APP: variants seen among roughly 807,000 people sequenced by gnomAD.
APP encodes amyloid beta precursor protein.
Under a neutral mutation model 101.4 loss-of-function variants are expected in APP, and 31 were observed. That is an observed-to-expected ratio of 0.31 (90% CI 0.23 to 0.41). The LOEUF (loss-of-function observed/expected upper bound fraction) is 0.41, where lower values mean the gene tolerates loss of function less well. Among genes scored for constraint, APP ranks in the 10% least tolerant of loss-of-function variants. APP has a pLI of 1.00. For missense variants in APP, 839 were observed against 1,003.7 expected, an observed-to-expected ratio of 0.84 and a Z score of 2.22; for synonymous variants, 366 against 364.4, an observed-to-expected ratio of 1.00 and a Z score of -0.05.
chr21:26,099,138 T>C (rs1383029366), intron 2 of APP, among the ~76,000 whole-genome samples: 1 of 152,012 alleles, frequency 6.6e-6, no homozygotes, highest in East Asian at 1.9e-4. Context: ...AACAGCCAGG[T>C]TTCTAAATTT....
intron 6 of APP, among the ~76,000 whole-genome samples, chr21:26,014,279 C>T (rs2043955399): frequency 6.6e-6 from 1 of 152,098 alleles, no homozygotes; most frequent in Non-Finnish European, 1.5e-5. Flanking sequence ...AAGTAAAAAT[C>T]CCGTTAGTGA....
At chr21:26,148,995 G>A (rs2063208935) in intron 1 of APP, among the ~76,000 whole-genome samples, 1 of 152,190 alleles carries the variant, frequency 6.6e-6, no homozygotes, top group Non-Finnish European at 1.5e-5. Context: ...ACTTGGGATT[G>A]AGAAAAAGGG....
chr21:25,886,748 C>T (rs977924454), intron 17 of APP, among the ~76,000 whole-genome samples: 3 of 151,268 alleles, frequency 2.0e-5, no homozygotes, highest in Admixed American at 6.6e-5. Context: ...TCCTGCTGCT[C>T]ACTGTAAGCC....
At chr21:26,134,000 G>A (rs466609) in intron 1 of APP, among the ~76,000 whole-genome samples, 1 of 152,158 alleles carries the variant, frequency 6.6e-6, no homozygotes, top group Non-Finnish European at 1.5e-5. Flanking sequence ...CATTGACTTC[G>A]CTTATGTTGA....
chr21:25,945,380 C>CTTTTTTTTTTTTT lies in APP; in HGVS notation c.1687+9197_1687+9209dup, dbSNP rs553853354. ...ATCTACAGATCCAATGCAATCCGCA[C>CTTTTTTTTTTTTT]TTTTTTTTTTTTTTTTTTTTTTGCA... On this transcript the variant is annotated intron_variant, in intron 13 of 17. Coordinates refer to ENST00000346798, the MANE Select transcript of APP (RefSeq NM_000484.4). 5.6e-4 allele frequency: 42 copies of CTTTTTTTTTTTTT among 75,622 alleles called. 7 individuals carry two copies. The highest frequency in any genetic ancestry group is 1.8e-3 in the African/African-American group (37 of 20,466). 4.7% of individuals were successfully genotyped at this position (75,622 alleles called of 1,614,324 possible).
chr21:25,939,574 A>G lies in APP; in HGVS notation c.1687+15016T>C, dbSNP rs80155566. ...GAAAAAGCAGACACTTAGCTTATCA[A>G]TCAAAATGCTGGCAGGGAAAGACTA... On this transcript the variant is annotated intron_variant, in intron 13 of 17. Coordinates refer to ENST00000346798, the MANE Select transcript of APP (RefSeq NM_000484.4). Among the ~76,000 whole-genome samples, 626 of 152,342 alleles carry G rather than the reference A, an allele frequency of 4.1e-3. 27 individuals are homozygous for G. In the East Asian group the frequency reaches 0.1, roughly 25 times the overall value.
chr21:26,156,382 TAC>T (rs2063375796), intron 1 of APP, among the ~76,000 whole-genome samples: 1 of 152,240 alleles, frequency 6.6e-6, no homozygotes, highest in East Asian at 1.9e-4. Context: ...TACTTAAAAA[TAC>T]AACAGATATT....
chr21:25,923,486 C>A (rs1052549383), intron 13 of APP, among the ~76,000 whole-genome samples: 1 of 103,130 alleles, frequency 9.7e-6, no homozygotes, highest in Non-Finnish European at 1.9e-5. Flanking sequence ...ACTCATCTGA[C>A]AAAGGGCTAA....
chr21:26,006,754 A>T lies in APP; in HGVS notation c.866-6572T>A, dbSNP rs45439694. Among the ~76,000 whole-genome samples the T allele has an allele frequency of 8.1e-3, 1,235 of 152,354 alleles. 22 individuals carry two copies. Among genetic ancestry groups the T allele is most frequent in the African/African-American group, 0.029 (1,201 of 41,588 alleles). On this transcript the variant is annotated intron_variant, in intron 6 of 17. Coordinates refer to ENST00000346798, the MANE Select transcript of APP (RefSeq NM_000484.4). ...TGTGAAACTGGCAACCAGAATGGGG[A>T]GAAAATCTCCACTTTCAAATGTACG...
intron 11 of APP, among the ~76,000 whole-genome samples, chr21:25,967,083 T>G (rs1207588747): frequency 6.6e-6 from 1 of 152,222 alleles, no homozygotes; most frequent in Non-Finnish European, 1.5e-5. Flanking sequence ...ACAGAATTCA[T>G]GTTCTATCAA....
intron 13 of APP, among the ~76,000 whole-genome samples, chr21:25,928,342 AAAACAAACAAAC>A (rs61188136): frequency 3.4e-5 from 5 of 149,112 alleles, no homozygotes; most frequent in South Asian, 2.2e-4. Flanking sequence ...ACTCCATCTC[AAAACAAACAAAC>A]AAACAAACAA....
At chr21:25,967,670 A>G (rs9975805) in intron 11 of APP, among the ~76,000 whole-genome samples, 2,472 of 152,348 alleles carry the variant, frequency 0.016, 34 homozygotes, top group Non-Finnish European at 0.024. Context: ...CAGTCAGGAC[A>G]TATCATCATC....
intron 16 of APP, among the ~76,000 whole-genome samples, chr21:25,897,132 CTTT>C (rs969514799): frequency 6.9e-6 from 1 of 144,874 alleles, no homozygotes; most frequent in Non-Finnish European, 1.5e-5. Flanking sequence ...TCTTTCTTTT[CTTT>C]TTTTTTTTTG....
chr21:26,043,810 A>G (rs1172821470), intron 5 of APP, among the ~76,000 whole-genome samples: 1 of 138,446 alleles, frequency 7.2e-6, no homozygotes, highest in Non-Finnish European at 1.6e-5. Context: ...TTGAGTTCTG[A>G]GCACTTCTAA....
At chr21:26,106,080 T>C (rs1418846308) in intron 2 of APP, among the ~76,000 whole-genome samples, 2 of 152,190 alleles carry the variant, frequency 1.3e-5, no homozygotes, top group African/African-American at 2.4e-5. Context: ...ATAATGCCCA[T>C]GGGCAGAACA....
In APP at chr21:26,051,171, T is replaced by A. The variant is rs1231783932; in HGVS notation, c.491A>T (p.Asn164Ile). The A allele has an allele frequency of 1.2e-6, 2 of 1,614,020 alleles. No homozygotes were observed. The highest frequency in any genetic ancestry group is 3.3e-5 in the Admixed American group (2 of 60,006). The change falls in exon 5 of 18, where the codon AAC (asparagine) becomes ATC (isoleucine). Residue 164 changes from asparagine (N) to isoleucine (I), a missense_variant. Asn to Ile is a moderately radical substitution (Grantham distance 149). Coordinates refer to ENST00000346798, the MANE Select transcript of APP (RefSeq NM_000484.4). ...CAGCAACATGCCGTAGTCATGCAAG[T>A]TGGTACTCTTCTCACTGCATGTCTA... Reference protein sequence around the residue: ...AKETCSEKSTNLHDYGMLLPC... With the variant: ...AKETCSEKSTILHDYGMLLPC...
In APP at chr21:25,903,295, C is replaced by T. The variant is rs185147185; in HGVS notation, c.1963+1729G>A. 2.7e-4 allele frequency among the ~76,000 whole-genome samples: 40 copies of T among 148,172 alleles called. 2 individuals are homozygous for T. The East Asian group carries it at 7.4e-3, about 27-fold the overall frequency. ...GGGGCACAAGAATTGCTTGAACCCCCGAGGCAGAGGTTGCAGTGAGTTGAG... is the reference window on the plus strand; with the variant it reads ...GGGGCACAAGAATTGCTTGAACCCCTGAGGCAGAGGTTGCAGTGAGTTGAG... On this transcript the variant is annotated intron_variant, in intron 15 of 17. Transcript: ENST00000346798.
At position 26,155,141 on chromosome 21, in the gene APP, C is replaced by T. The variant is rs1451880694; in HGVS notation, c.57+15423G>A. On this transcript the variant is annotated intron_variant, in intron 1 of 17. Coordinates refer to ENST00000346798, the MANE Select transcript of APP (RefSeq NM_000484.4). ...TGGCACACGCCTGTAATCCCAGCTA[C>T]TCAGGAGGCTGAGGCAGGAAAACTG... Among the ~76,000 whole-genome samples, 4 of 152,172 alleles carry T rather than the reference C, an allele frequency of 2.6e-5. 1 individual carries two copies. Among genetic ancestry groups the T allele is most frequent in the Non-Finnish European group, 5.9e-5 (4 of 68,042 alleles).
At chr21:25,969,629 C>T (rs2041934055) in intron 11 of APP, among the ~76,000 whole-genome samples, 1 of 151,688 alleles carries the variant, frequency 6.6e-6, no homozygotes, top group East Asian at 2.0e-4. Flanking sequence ...CGCTTGAGGC[C>T]AGAAGTTCAA....
Sources: allele counts gnomAD v4.1 joint callset (sites outside exome capture counted in the v4.1 genomes callset), GRCh38; gene constraint gnomAD v4.1.1; transcripts MANE v1.5; gene names NCBI Gene and HGNC (gene_info 2026-07-23, HGNC 2026-07-21).